Variants in PADI4 observed in about 807,000 individuals in gnomAD.
PADI4 encodes protein-arginine deiminase type-4.
In PADI4, 62 loss-of-function variants were observed where a neutral mutation model predicts 75.0. The ratio of observed to expected loss-of-function variants is 0.83; its 90% CI spans 0.67 to 1.02. The LOEUF (loss-of-function observed/expected upper bound fraction) is 1.02, where lower values mean the gene tolerates loss of function less well. Ranked by LOEUF, PADI4 falls within the 50% of genes least tolerant of loss-of-function variation. PADI4 has a pLI of 0.00. For synonymous variants in PADI4, 361 were observed against 348.1 expected, an observed-to-expected ratio of 1.04 and a Z score of -0.41; for missense variants, 845 against 850.5, an observed-to-expected ratio of 0.99 and a Z score of 0.08.
At chr1:17,311,663 T>C (rs1243231742) in intron 1 of PADI4, among the ~76,000 whole-genome samples, 2 of 152,126 alleles carry the variant, frequency 1.3e-5, no homozygotes, top group Non-Finnish European at 2.9e-5. Context: ...TAGCTGGGAC[T>C]ACAGGCGCCT....
At chr1:17,345,087 A>G (rs113204314) in intron 8 of PADI4, among the ~76,000 whole-genome samples, 12,949 of 152,338 alleles carry the variant, frequency 0.085, 710 homozygotes, top group Middle Eastern at 0.12. Context: ...GCCTAAGACC[A>G]TGGGAACCCA....
chr1:17,358,851 G>A lies in PADI4; in HGVS notation c.1572G>A (p.Gln524=), dbSNP rs1170562737. 2 of 1,602,786 alleles carry A rather than the reference G, an allele frequency of 1.2e-6. No individual in the cohort carries two copies. Among genetic ancestry groups the A allele is most frequent in the Non-Finnish European group, 1.7e-6 (2 of 1,173,696 alleles). ...TCTCCATGACAGAAAAAAAACAGCA[G>A]AAAATAAAGAACATTCTGTCAAACA... is the stretch of plus-strand genomic sequence containing the variant. The part of the protein sequence containing the change: ...LFEGIKKKKQ[Q]KIKNILSNKT... The change falls in exon 14 of 16, where the codon CAG becomes CAA. Residue 524 remains glutamine (Q), a synonymous_variant. Transcript: ENST00000375448.
intron 3 of PADI4, 73 bp from the exon 4 acceptor site, chr1:17,336,086 C>A: frequency 1.0e-6 from 1 of 991,806 alleles, no homozygotes; most frequent in Non-Finnish European, 1.6e-6. Flanking sequence ...AACGACCTGC[C>A]CATTCAGGGC....
intron 14 of PADI4, 58 bp from the exon 15 acceptor site, chr1:17,359,222 C>CA: frequency 2.0e-5 from 13 of 635,536 alleles, no homozygotes; most frequent in Admixed American, 6.1e-5. Context: ...CACTGTCCCC[C>CA]ACCCCCACCC....
intron 10 of PADI4, among the ~76,000 whole-genome samples, chr1:17,351,711 G>A (rs979247861): frequency 6.6e-6 from 1 of 152,012 alleles, no homozygotes; most frequent in Non-Finnish European, 1.5e-5. Flanking sequence ...AGGGAGGTGA[G>A]CGAGTTGGCC....
chr1:17,352,215 GGGTGGTCAGGGA>G (rs2074673285), intron 10 of PADI4, among the ~76,000 whole-genome samples: 1 of 107,448 alleles, frequency 9.3e-6, no homozygotes, highest in African/African-American at 3.5e-5. Context: ...GTGGTAAGAG[GGGTGGTCAGGGA>G]AGAGATGGGA....
rs547720396 is a variant in PADI4, at chr1:17,308,284, T to C, written c.62T>C (p.Leu21Pro). ...PEQPTHAVCV[L>P]GTLTQLDICS... Reference sequence around the variant, plus strand: ...CAGCCCACCCATGCCGTGTGTGTGCTGGGCACCTTGACTCAGCTTGACATC... The same window carrying C: ...CAGCCCACCCATGCCGTGTGTGTGCCGGGCACCTTGACTCAGCTTGACATC... The change falls in exon 1 of 16, where the codon CTG (leucine) becomes CCG (proline). Residue 21 changes from leucine to proline, a missense_variant. By Grantham distance (98) the Leu-to-Pro change is moderately conservative (BLOSUM62 -3). Coordinates refer to ENST00000375448, the MANE Select transcript of PADI4 (RefSeq NM_012387.3). 3 of 1,614,132 alleles carry C rather than the reference T, an allele frequency of 1.9e-6. No individual in the cohort carries two copies. In the South Asian group the frequency reaches 3.3e-5, roughly 18 times the overall value.
intron 1 of PADI4, among the ~76,000 whole-genome samples, chr1:17,308,977 T>C (rs148392609): frequency 1.3e-5 from 2 of 152,226 alleles, no homozygotes; most frequent in East Asian, 3.9e-4. Flanking sequence ...CTTGGTAGTT[T>C]TTATTTACTC....
intron 15 of PADI4, among the ~76,000 whole-genome samples, chr1:17,360,948 A>G (rs111317792): frequency 0.018 from 2,707 of 151,592 alleles, 93 homozygotes; most frequent in African/African-American, 0.061. Context: ...GATATCATCC[A>G]TTGTGTTTTT....
intron 8 of PADI4, among the ~76,000 whole-genome samples, chr1:17,342,679 A>G (rs1330294323): frequency 1.3e-5 from 2 of 152,126 alleles, no homozygotes; most frequent in African/African-American, 4.8e-5. Flanking sequence ...ACTCATTTAA[A>G]ATGCACCTTT....
intron 2 of PADI4, among the ~76,000 whole-genome samples, chr1:17,331,636 G>A (rs1231149837): frequency 6.6e-6 from 1 of 151,578 alleles, no homozygotes; most frequent in East Asian, 1.9e-4. Context: ...ATGGTGGCCT[G>A]GCCGGGCACA....
In PADI4 at chr1:17,346,895, C is replaced by G. The variant is rs2074526340; in HGVS notation, c.1047+756C>G. Among the ~76,000 whole-genome samples the G allele has an allele frequency of 6.6e-6, 1 of 152,068 alleles. No homozygotes were observed. The highest frequency in any genetic ancestry group is 1.5e-5 in the Non-Finnish European group (1 of 67,996). Reference sequence around the variant, plus strand: ...TCACCCCCAGCAGGAATTCATCCCTCTTTCTTTTCACCCCCACACAACATC... The same window carrying G: ...TCACCCCCAGCAGGAATTCATCCCTGTTTCTTTTCACCCCCACACAACATC... On this transcript the variant is annotated intron_variant, in intron 9 of 15. Transcript: ENST00000375448. This position sits in a 1 kb window ranked among gnomAD's most constrained non-coding sequence, Gnocchi z 4.3.
Position 17,354,598 on chromosome 1 carries a change from T to C in PADI4, c.1221T>C (p.Phe407=), listed in dbSNP as rs1298381959. 1.2e-6 allele frequency: 2 copies of C among 1,614,034 alleles called. No homozygotes were observed. The highest frequency in any genetic ancestry group is 1.7e-6 in the Non-Finnish European group (2 of 1,180,002). ...GGGGTATCAGTGGACTGGACTCCTT[T>C]GGGAACCTGGAAGTGAGCCCCCCAG... ...QTGGISGLDS[F]GNLEVSPPVT... The change falls in exon 11 of 16, where the codon TTT becomes TTC. Residue 407 remains phenylalanine (F), a synonymous_variant. Transcript: ENST00000375448.
intron 1 of PADI4, among the ~76,000 whole-genome samples, chr1:17,321,015 C>T (rs115971849): frequency 8.5e-5 from 13 of 152,188 alleles, no homozygotes; most frequent in African/African-American, 2.4e-4. Context: ...AAGGTAACAT[C>T]TTCACAGGTT....
At chr1:17,308,761 T>G (rs968674498) in intron 1 of PADI4, among the ~76,000 whole-genome samples, 1 of 75,732 alleles carries the variant, frequency 1.3e-5, no homozygotes, top group Non-Finnish European at 3.0e-5. Flanking sequence ...TGGGTGGGGA[T>G]GGCGAAACGG....
intron 4 of PADI4, among the ~76,000 whole-genome samples, chr1:17,336,996 T>C (rs1350181353): frequency 6.6e-6 from 1 of 152,250 alleles, no homozygotes; most frequent in Non-Finnish European, 1.5e-5. Context: ...TCTAGGCAGA[T>C]ATTAACTGGC....
chr1:17,345,947 C>A, intron 8 of PADI4, 81 bp from the exon 9 acceptor site: 1 of 899,868 alleles, frequency 1.1e-6, no homozygotes, highest in Non-Finnish European at 1.8e-6. Flanking sequence ...ACCCCTGAGC[C>A]ACCTGTGTGT....
In PADI4 at chr1:17,363,742, AC is replaced by A. The variant is rs532892711; in HGVS notation, c.1980del (p.Asn660LysfsTer66). 22 of 1,612,674 alleles carry A rather than the reference AC, an allele frequency of 1.4e-5. No homozygotes were observed. In the South Asian group the frequency reaches 1.9e-4, roughly 14 times the overall value. ...AAGCCCTTCTCCTTCAAGTGGTGGA[AC>A]ATGGTGCCCTGAGCCCATCTTCCCT... ...RRKPFSFKWW[N>X]MVP On this transcript the variant is annotated frameshift_variant, in exon 16 of 16. Coordinates refer to ENST00000375448, the MANE Select transcript of PADI4 (RefSeq NM_012387.3). LOFTEE classifies it high-confidence loss of function.
intron 1 of PADI4, among the ~76,000 whole-genome samples, chr1:17,330,611 A>C (rs945662676): frequency 2.0e-5 from 3 of 152,198 alleles, no homozygotes; most frequent in Non-Finnish European, 4.4e-5. Context: ...TCTAGTGTCT[A>C]AGGGCAGGAG....
Sources: gnomAD v4.1 joint callset for allele counts (sites outside exome capture counted in the v4.1 genomes callset) on GRCh38, gnomAD v4.1.1 for gene constraint, Gnocchi (gnomAD v3.1) non-coding constraint, MANE v1.5 for transcripts, NCBI Gene and HGNC (gene_info 2026-07-23, HGNC 2026-07-21) for gene names.